Variants in PPP1R9B observed in about 807,000 individuals in gnomAD.
PPP1R9B encodes the protein protein phosphatase 1 regulatory subunit 9B.
In PPP1R9B, 17 loss-of-function variants were observed where a neutral mutation model predicts 75.8. The observed-to-expected ratio is 0.22, with a 90% confidence interval of 0.15 to 0.34. The LOEUF is 0.34. PPP1R9B is among the 10% of genes least tolerant of loss of function. The pLI, the probability that PPP1R9B is intolerant of heterozygous loss-of-function variation, is 1.00. For synonymous variants in PPP1R9B, 509 were observed against 535.4 expected, an observed-to-expected ratio of 0.95 and a Z score of 0.68; for missense variants, 875 against 1,196.0, an observed-to-expected ratio of 0.73 and a Z score of 3.96.
At position 50,149,027 on chromosome 17, in the gene PPP1R9B, G is replaced by T; in HGVS notation, c.1371+116C>A. The T allele has an allele frequency of 1.4e-6, 1 of 700,786 alleles. No individual in the cohort carries two copies. The highest frequency in any genetic ancestry group is 2.2e-6 in the Non-Finnish European group (1 of 459,466). 43.4% of individuals were successfully genotyped at this position (700,786 alleles called of 1,614,324 possible). The stretch of plus-strand genomic sequence containing the variant: ...GAGGGTGGGAACTTCTGGGAAGGGG[G>T]CTGGGTGGCAGGGGCTGACTCAGCC... On this transcript the variant is annotated intron_variant, in intron 1 of 9. Transcript: ENST00000612501. The surrounding 1 kb of genome is among the most constrained non-coding windows in gnomAD (Gnocchi z 7.2).
intron 1 of PPP1R9B, 146 bp downstream of exon 1, chr17:50,148,997 C>T: frequency 3.5e-6 from 2 of 566,330 alleles, no homozygotes; most frequent in Non-Finnish European, 5.8e-6. Flanking sequence ...CCCCCACGCC[C>T]CCCTGAGGGT....
intron 1 of PPP1R9B, among the ~76,000 whole-genome samples, chr17:50,147,625 G>A (rs1912548430): frequency 6.6e-6 from 1 of 152,196 alleles, no homozygotes; most frequent in African/African-American, 2.4e-5. Flanking sequence ...CCAACTCTGA[G>A]GGAATCGGAC....
Position 50,139,223 on chromosome 17 carries a change from A to G in PPP1R9B, c.2073+40T>C, listed in dbSNP as rs8078677. ...AGGGGGACCCTGCTCCTCAACACAC[A>G]CATGCACGCACGCAAAAGCACACAC... On this transcript the variant is annotated intron_variant, in intron 7 of 9. Coordinates refer to ENST00000612501, the MANE Select transcript of PPP1R9B (RefSeq NM_032595.5). This position sits in a 1 kb window ranked among gnomAD's most constrained non-coding sequence, Gnocchi z 5.0. 3.7e-6 allele frequency: 6 copies of G among 1,612,860 alleles called. No individual in the cohort carries two copies. The highest frequency in any genetic ancestry group is 5.1e-6 in the Non-Finnish European group (6 of 1,178,780).
At position 50,139,363 on chromosome 17, in the gene PPP1R9B, G is replaced by A. The variant is rs761951043; in HGVS notation, c.2020-47C>T. 1 of 1,613,764 alleles carries A rather than the reference G, an allele frequency of 6.2e-7. No individual in the cohort carries two copies. The highest frequency in any genetic ancestry group is 8.5e-7 in the Non-Finnish European group (1 of 1,179,822). ...ACTCAGCTCCAGCAGGGTGGGGCAG[G>A]CAGTGCCAAGGGCAGGAGACCTGCC... On this transcript the variant is annotated intron_variant, in intron 6 of 9. Transcript: ENST00000612501. This position sits in a 1 kb window ranked among gnomAD's most constrained non-coding sequence, Gnocchi z 5.0.
chr17:50,150,302 G>C lies in PPP1R9B; in HGVS notation c.212C>G (p.Ser71Trp). The C allele has an allele frequency of 2.9e-6, 4 of 1,365,630 alleles. No homozygotes were observed. The highest frequency in any genetic ancestry group is 3.2e-5 in the Admixed American group (1 of 30,838). The allele number at this position is 1,365,630 out of a possible 1,614,324, so 84.6% of individuals were successfully genotyped here. A position where few individuals can be genotyped will look rare whatever the true frequency, so the allele number is the denominator to read the frequency against. ...GCCCGCGCCGCCGCCCGCCTCGCCCGAGGGCCCCGCCGTCGTGCCCATCTG... is the reference window on the plus strand; with the variant it reads ...GCCCGCGCCGCCGCCCGCCTCGCCCCAGGGCCCCGCCGTCGTGCCCATCTG... ...FLQMGTTAGPSGEAGGGAGLA... is the reference protein window; with the variant it reads ...FLQMGTTAGPWGEAGGGAGLA... The change falls in exon 1 of 10, where the codon TCG becomes TGG. Residue 71 changes from serine to tryptophan, a missense_variant. Physicochemically the swap from Ser to Trp is radical, Grantham distance 177. Transcript: ENST00000612501. The surrounding 1 kb of genome is among the most constrained non-coding windows in gnomAD (Gnocchi z 8.7).
rs755907251 is a variant in PPP1R9B at position 50,134,553 on chromosome 17, C to T, written c.*778G>A. ...GAGAGGCCACATAACAGTTCCAAGA[C>T]GAGGTTATGGCTATTTGGCACCTGG... On this transcript the variant is annotated 3_prime_UTR_variant, in exon 10 of 10. Coordinates refer to ENST00000612501, the MANE Select transcript of PPP1R9B (RefSeq NM_032595.5). 6.5e-6 allele frequency: 1 copy of T among 152,710 alleles called. No homozygotes were observed. Among genetic ancestry groups the T allele is most frequent in the East Asian group, 1.9e-4 (1 of 5,192 alleles). 9.5% of individuals were successfully genotyped at this position (152,710 alleles called of 1,614,324 possible). A position where few individuals can be genotyped will look rare whatever the true frequency, so the allele number is the denominator to read the frequency against.
At position 50,139,003 on chromosome 17, in the gene PPP1R9B, G is replaced by A. The variant is rs566512020; in HGVS notation, c.2073+260C>T. On this transcript the variant is annotated intron_variant, in intron 7 of 9. Transcript: ENST00000612501. This position sits in a 1 kb window ranked among gnomAD's most constrained non-coding sequence, Gnocchi z 5.0. ...GTGTTATCTCATTTAATCCCACAAC[G>A]ATCCTGTGGTGTTGGTGCTATTACG... Among the ~76,000 whole-genome samples the A allele has an allele frequency of 3.3e-5, 5 of 152,220 alleles. No homozygotes were observed. The East Asian group carries it at 7.7e-4, about 23-fold the overall frequency.
intron 4 of PPP1R9B, 164 bp from the exon 5 acceptor site, chr17:50,140,392 G>T: frequency 1.1e-6 from 1 of 911,384 alleles, no homozygotes; most frequent in Non-Finnish European, 1.6e-6. Flanking sequence ...GGGAATGAGG[G>T]CCCTTATCAG....
chr17:50,143,728 A>G lies in PPP1R9B; in HGVS notation c.1505-10T>C, dbSNP rs1263908136. On this transcript the variant is annotated splice_polypyrimidine_tract_variant and intron_variant, in intron 2 of 9. Coordinates refer to ENST00000612501, the MANE Select transcript of PPP1R9B (RefSeq NM_032595.5). ...CCCAGGCCCTCGGAGTCTGTGGAAC[A>G]GAGAGTGGTGAGATGGCAGGGCTTG... The G allele has an allele frequency of 5.0e-6, 8 of 1,613,726 alleles. No individual in the cohort carries two copies. The highest frequency in any genetic ancestry group is 6.8e-6 in the Non-Finnish European group (8 of 1,179,856).
Position 50,149,963 on chromosome 17 carries a change from T to C in PPP1R9B, c.551A>G (p.Asp184Gly). The part of the protein sequence containing the change: ...ERAGLQDRKL[D>G]VVVRFNGSTE... ...GCTGCCGTTGAAGCGCACCACGACG[T>C]CCAGCTTCCGGTCCTGCAGGCCGGC... The change falls in exon 1 of 10, where the codon GAC becomes GGC. Residue 184 changes from aspartate (D) to glycine (G), a missense_variant. Physicochemically the swap from Asp to Gly is moderately conservative, Grantham distance 94. Transcript: ENST00000612501. This position sits in a 1 kb window ranked among gnomAD's most constrained non-coding sequence, Gnocchi z 7.2. 6.6e-7 allele frequency: 1 copy of C among 1,515,034 alleles called. No homozygotes were observed. Among genetic ancestry groups the C allele is most frequent in the African/African-American group, 1.4e-5 (1 of 69,372 alleles). 93.8% of individuals were successfully genotyped at this position (1,515,034 alleles called of 1,614,324 possible). A position where few individuals can be genotyped will look rare whatever the true frequency, so the allele number is the denominator to read the frequency against.
In PPP1R9B at chr17:50,139,667, C is replaced by A; in HGVS notation, c.1867-86G>T. 1 of 1,435,556 alleles carries A rather than the reference C, an allele frequency of 7.0e-7. No homozygotes were observed. Among genetic ancestry groups the A allele is most frequent in the Non-Finnish European group, 9.3e-7 (1 of 1,070,272 alleles). The allele number at this position is 1,435,556 out of a possible 1,614,324, so 88.9% of individuals were successfully genotyped here. ...CCAGGGCTGGGACCAGTTGCCCATG[C>A]CAGACAGAGAGCTACCCAGGAATGT... On this transcript the variant is annotated intron_variant, in intron 5 of 9. Coordinates refer to ENST00000612501, the MANE Select transcript of PPP1R9B (RefSeq NM_032595.5). This position sits in a 1 kb window ranked among gnomAD's most constrained non-coding sequence, Gnocchi z 5.0.
At chr17:50,146,445 G>A (rs1289076457) in intron 1 of PPP1R9B, among the ~76,000 whole-genome samples, 2 of 152,142 alleles carry the variant, frequency 1.3e-5, no homozygotes, top group Admixed American at 1.3e-4. Context: ...AAGGGCCCTT[G>A]TCAGGGCCCG....
At chr17:50,147,495 G>GC (rs1466625338) in intron 1 of PPP1R9B, among the ~76,000 whole-genome samples, 1 of 152,240 alleles carries the variant, frequency 6.6e-6, no homozygotes, top group Non-Finnish European at 1.5e-5. Flanking sequence ...CTCACACAGG[G>GC]CGGGCCAGCT....
intron 1 of PPP1R9B, among the ~76,000 whole-genome samples, chr17:50,147,011 T>C (rs1297051496): frequency 1.3e-5 from 2 of 152,196 alleles, no homozygotes; most frequent in Admixed American, 6.5e-5. Context: ...TACAGTCTCC[T>C]GAGTCAACGA....
intron 7 of PPP1R9B, 58 bp from the exon 8 acceptor site, chr17:50,136,255 C>A (rs1598244251): frequency 6.8e-7 from 1 of 1,468,886 alleles, no homozygotes; most frequent in Non-Finnish European, 9.2e-7. Context: ...CAAAGGGTAC[C>A]CCCATCCTAG....
In PPP1R9B at chr17:50,135,356, G is replaced by A. The variant is rs1182467806; in HGVS notation, c.2429C>T (p.Thr810Ile). ...TTAAGTAGAATTGGAATTCCTCAGT[G>A]TTTGCAAGTTTCCTTCCAGTTCTGA... ...KISELEGNLQ[T>I]LRNSNST The change falls in exon 10 of 10, where the codon ACA becomes ATA. Residue 810 changes from threonine to isoleucine, a missense_variant. Thr to Ile is a moderately conservative substitution (Grantham distance 89, BLOSUM62 -1). Around this residue, in one of 4 missense-constraint regions of PPP1R9B, gnomAD observed 218 missense variants for 334.6 expected, o/e 0.65. Coordinates refer to ENST00000612501, the MANE Select transcript of PPP1R9B (RefSeq NM_032595.5). The A allele has an allele frequency of 2.5e-6, 4 of 1,613,644 alleles. No individual in the cohort carries two copies. The highest frequency in any genetic ancestry group is 3.3e-4 in the Middle Eastern group (2 of 6,000).
At chr17:50,138,104 G>T (rs1310625741) in intron 7 of PPP1R9B, among the ~76,000 whole-genome samples, 1 of 152,180 alleles carries the variant, frequency 6.6e-6, no homozygotes, top group Non-Finnish European at 1.5e-5. Flanking sequence ...CTGCATGCCT[G>T]TGAGGGTGCT....
intron 7 of PPP1R9B, among the ~76,000 whole-genome samples, chr17:50,138,124 C>T (rs1912274484): frequency 6.6e-6 from 1 of 151,722 alleles, no homozygotes; most frequent in Non-Finnish European, 1.5e-5. Flanking sequence ...TGGCACCTGA[C>T]ATGCTTGTGT....
rs367543204 is a variant in PPP1R9B at position 50,150,178 on chromosome 17, C to T, written c.336G>A (p.Lys112=). Residue 112 remains lysine, a synonymous_variant, in exon 1 of 10, where the codon AAG becomes AAA. Transcript: ENST00000612501. This position sits in a 1 kb window ranked among gnomAD's most constrained non-coding sequence, Gnocchi z 8.7. ...NENVDHSALL[K]LGTSVSERVS... is the part of the protein sequence containing the mutation. ...CGCGCTCCGACACGCTGGTGCCCAG[C>T]TTCAGCAGGGCGCTGTGGTCCACGT... is the stretch of plus-strand genomic sequence containing the variant. 59 of 1,456,034 alleles carry T rather than the reference C, an allele frequency of 4.1e-5. No individual in the cohort carries two copies. The highest frequency in any genetic ancestry group is 5.1e-5 in the Non-Finnish European group (56 of 1,105,838). 90.2% of individuals were successfully genotyped at this position (1,456,034 alleles called of 1,614,324 possible).
Sources: allele counts gnomAD v4.1 joint callset (sites outside exome capture counted in the v4.1 genomes callset), GRCh38; gene constraint gnomAD v4.1.1; regional missense constraint gnomAD v4.1.1; non-coding constraint Gnocchi (gnomAD v3.1); transcripts MANE v1.5; gene names NCBI Gene and HGNC (gene_info 2026-07-23, HGNC 2026-07-21).